Variants in KLHL1 observed in about 807,000 individuals in gnomAD.
KLHL1 encodes the protein kelch-like protein 1.
In KLHL1, 47 loss-of-function variants were observed where a neutral mutation model predicts 77.7. The ratio of observed to expected loss-of-function variants is 0.60; its 90% CI spans 0.48 to 0.77. The LOEUF (loss-of-function observed/expected upper bound fraction) is 0.77. KLHL1 is among the 30% of genes least tolerant of loss of function. The pLI is 0.00. For missense variants in KLHL1, 925 were observed against 910.8 expected, an observed-to-expected ratio of 1.02 and a Z score of -0.20; for synonymous variants, 360 against 325.2, an observed-to-expected ratio of 1.11 and a Z score of -1.15.
intron 7 of KLHL1, among the ~76,000 whole-genome samples, chr13:69,755,383 A>T (rs1490980245): frequency 6.6e-6 from 1 of 151,986 alleles, no homozygotes; most frequent in Non-Finnish European, 1.5e-5. Context: ...AGCCTGCAGA[A>T]CCATGAGCCA....
intron 6 of KLHL1, among the ~76,000 whole-genome samples, chr13:69,826,648 G>A (rs141048000): frequency 1.1e-4 from 16 of 152,098 alleles, no homozygotes; most frequent in Middle Eastern, 3.4e-3. Context: ...AAATATTTGA[G>A]GCAATTTATA....
At chr13:70,063,081 G>T (rs960872396) in intron 1 of KLHL1, among the ~76,000 whole-genome samples, 4 of 151,978 alleles carry the variant, frequency 2.6e-5, no homozygotes, top group African/African-American at 9.7e-5. Flanking sequence ...TTTCATAATT[G>T]CAATTCAGAT....
intron 9 of KLHL1, among the ~76,000 whole-genome samples, chr13:69,711,814 C>G (rs1231252151): frequency 6.6e-6 from 1 of 152,076 alleles, no homozygotes; most frequent in Non-Finnish European, 1.5e-5. Flanking sequence ...AATTTACACT[C>G]CACTCCTACC....
chr13:69,810,290 A>G (rs1179537362), intron 6 of KLHL1, among the ~76,000 whole-genome samples: 1 of 152,160 alleles, frequency 6.6e-6, no homozygotes, highest in Admixed American at 6.6e-5. Flanking sequence ...ATGCTTAGCC[A>G]TAAAGCAAGT....
intron 1 of KLHL1, among the ~76,000 whole-genome samples, chr13:70,009,069 T>G (rs1009507108): frequency 6.6e-6 from 1 of 152,104 alleles, no homozygotes; most frequent in Non-Finnish European, 1.5e-5. Flanking sequence ...ATTGGGGGGT[T>G]TTGAAAAACC....
intron 5 of KLHL1, among the ~76,000 whole-genome samples, chr13:69,868,815 T>C (rs1308231223): frequency 6.6e-6 from 1 of 152,168 alleles, no homozygotes; most frequent in South Asian, 2.1e-4. Context: ...CAGTGATTAA[T>C]GAGCTTTACA....
At chr13:69,947,034 GT>G (rs1883552415) in intron 3 of KLHL1, among the ~76,000 whole-genome samples, 1 of 2,964 alleles carries the variant, frequency 3.4e-4, no homozygotes, top group African/African-American at 1.3e-3. Flanking sequence ...TGTGTTGTGT[GT>G]GTGTGTGTGT....
chr13:69,861,852 C>A (rs141503697), intron 5 of KLHL1, among the ~76,000 whole-genome samples: 1 of 149,442 alleles, frequency 6.7e-6, no homozygotes, highest in Non-Finnish European at 1.5e-5. Context: ...GTAATCCTAG[C>A]TACTCAGGAG....
intron 1 of KLHL1, among the ~76,000 whole-genome samples, chr13:70,101,951 A>AAG (rs200083283): frequency 1.4e-5 from 1 of 69,972 alleles, no homozygotes; most frequent in Non-Finnish European, 2.4e-5. Flanking sequence ...ATAAAGTAGC[A>AAG]AAAAAAAAAA....
intron 4 of KLHL1, among the ~76,000 whole-genome samples, chr13:69,907,135 G>T (rs913594085): frequency 6.6e-6 from 1 of 151,994 alleles, no homozygotes; most frequent in Admixed American, 6.6e-5. Flanking sequence ...GCAGTTGATA[G>T]GTTGGTAACA....
chr13:69,842,606 G>T (rs1318115062), intron 5 of KLHL1, among the ~76,000 whole-genome samples: 1 of 151,776 alleles, frequency 6.6e-6, no homozygotes, highest in East Asian at 1.9e-4. Flanking sequence ...AACTAGTAAA[G>T]CCACTATGGA....
At chr13:70,024,620 T>TTCTCTCTCTCTCTCTCTC (rs5804459) in intron 1 of KLHL1, among the ~76,000 whole-genome samples, 108 of 130,384 alleles carry the variant, frequency 8.3e-4, no homozygotes, top group African/African-American at 2.7e-3. Context: ...GAGAAAAGAT[T>TTCTCTCTCTCTCTCTCTC]TCTCTCTCTC....
At chr13:70,083,508 A>T (rs1415398771) in intron 1 of KLHL1, among the ~76,000 whole-genome samples, 1 of 152,164 alleles carries the variant, frequency 6.6e-6, no homozygotes, top group Admixed American at 6.5e-5. Context: ...TTAATTTTAG[A>T]CTAGTGATAT....
chr13:70,058,283 C>T (rs983211516), intron 1 of KLHL1, among the ~76,000 whole-genome samples: 1 of 152,098 alleles, frequency 6.6e-6, no homozygotes, highest in Non-Finnish European at 1.5e-5. Context: ...AGGAAGAAGT[C>T]AAATTATCCT....
chr13:70,092,654 C>G (rs991594132), intron 1 of KLHL1, among the ~76,000 whole-genome samples: 1 of 151,948 alleles, frequency 6.6e-6, no homozygotes, highest in Non-Finnish European at 1.5e-5. Context: ...ACATTCATAC[C>G]TGTAATTAGT....
intron 9 of KLHL1, among the ~76,000 whole-genome samples, chr13:69,713,879 GA>G (rs1454882006): frequency 6.6e-6 from 1 of 152,016 alleles, no homozygotes; most frequent in African/African-American, 2.4e-5. Context: ...ACAAAACCTT[GA>G]AATAGTTTTG....
At chr13:69,711,608 AAC>A (rs527860307) in intron 9 of KLHL1, among the ~76,000 whole-genome samples, 1 of 152,186 alleles carries the variant, frequency 6.6e-6, no homozygotes, top group South Asian at 2.1e-4. Context: ...GAAAATATAA[AAC>A]AATTAATTTC....
chr13:69,879,178 C>T (rs1034783326), intron 5 of KLHL1, among the ~76,000 whole-genome samples: 5 of 152,092 alleles, frequency 3.3e-5, no homozygotes, highest in African/African-American at 1.2e-4. Flanking sequence ...ACGTTGTGCA[C>T]ATGTACCCTA....
chr13:70,028,289 G>T (rs1050012034), intron 1 of KLHL1, among the ~76,000 whole-genome samples: 3 of 152,078 alleles, frequency 2.0e-5, no homozygotes, highest in Non-Finnish European at 4.4e-5. Flanking sequence ...ACTCAATAAA[G>T]GGAGATTACT....
Sources: gnomAD v4.1 joint callset for allele counts (sites outside exome capture counted in the v4.1 genomes callset) on GRCh38, gnomAD v4.1.1 for gene constraint, MANE v1.5 for transcripts, NCBI Gene and HGNC (gene_info 2026-07-23, HGNC 2026-07-21) for gene names.